The following AUTS2 variants were observed in gnomAD, a reference collection of about 807,000 sequenced individuals.
AUTS2 encodes activator of transcription and developmental regulator AUTS2.
A neutral mutation model predicts 112.4 loss-of-function variants in AUTS2; 17 were observed. That is an observed-to-expected ratio of 0.15 (90% confidence interval 0.10 to 0.23). The LOEUF (loss-of-function observed/expected upper bound fraction) is 0.23, where lower values mean the gene tolerates loss of function less well. Ranked by LOEUF, AUTS2 falls within the 10% of genes least tolerant of loss-of-function variation. The probability of loss-of-function intolerance (pLI) is 1.00; values close to 1 mark genes in which losing one functional copy is unlikely to be tolerated. For missense variants in AUTS2, 1,510 were observed against 1,701.6 expected (o/e 0.89, Z 1.98); for synonymous variants, 751 against 702.7 (o/e 1.07, Z -1.09).
At chr7:70,537,463 T>C (rs1800369211) in intron 5 of AUTS2, among the ~76,000 whole-genome samples, 1 of 152,194 alleles carries the variant, frequency 6.6e-6, no homozygotes, top group African/African-American at 2.4e-5. Context: ...CTTTCCTGAG[T>C]TGATTTATGT....
chr7:70,379,337 T>A (rs1280051314), intron 4 of AUTS2, among the ~76,000 whole-genome samples: 1 of 151,800 alleles, frequency 6.6e-6, no homozygotes, highest in Non-Finnish European at 1.5e-5. Context: ...CCCTTCTCTA[T>A]TAAAAGACAC....
chr7:70,444,644 C>T (rs894636124), intron 5 of AUTS2, among the ~76,000 whole-genome samples: 3 of 151,902 alleles, frequency 2.0e-5, no homozygotes, highest in Non-Finnish European at 4.4e-5. Flanking sequence ...AGAGATTTTC[C>T]CTATCAGTTT....
At chr7:70,489,639 ACAT>A (rs1401820837) in intron 5 of AUTS2, among the ~76,000 whole-genome samples, 1 of 152,232 alleles carries the variant, frequency 6.6e-6, no homozygotes, top group Admixed American at 6.5e-5. Context: ...GCACAGGAGG[ACAT>A]CATCAACACA....
chr7:70,668,019 A>G (rs1807435435), intron 5 of AUTS2, among the ~76,000 whole-genome samples: 2 of 152,328 alleles, frequency 1.3e-5, no homozygotes, highest in South Asian at 4.1e-4. Flanking sequence ...TTTTTCACCT[A>G]GGCTGGATGG....
At chr7:70,447,776 C>G (rs1348258928) in intron 5 of AUTS2, among the ~76,000 whole-genome samples, 2 of 152,194 alleles carry the variant, frequency 1.3e-5, no homozygotes, top group Non-Finnish European at 1.5e-5. Flanking sequence ...TAACATCCAA[C>G]AAAATATCAC....
chr7:70,239,674 A>T (rs1234033424), intron 4 of AUTS2, among the ~76,000 whole-genome samples: 1 of 152,118 alleles, frequency 6.6e-6, no homozygotes, highest in Non-Finnish European at 1.5e-5. Flanking sequence ...ACCTCAGGTG[A>T]TCTGCCCACC....
At chr7:70,755,175 G>A (rs1789116007) in intron 6 of AUTS2, among the ~76,000 whole-genome samples, 1 of 152,136 alleles carries the variant, frequency 6.6e-6, no homozygotes, top group Admixed American at 6.5e-5. Context: ...TCAGGAGACT[G>A]AGTGGGGAGG....
intron 5 of AUTS2, among the ~76,000 whole-genome samples, chr7:70,498,446 G>T (rs1798645381): frequency 6.6e-6 from 1 of 152,106 alleles, no homozygotes; most frequent in Non-Finnish European, 1.5e-5. Flanking sequence ...TTGGGTCTTG[G>T]GGTGGTGACT....
intron 2 of AUTS2, among the ~76,000 whole-genome samples, chr7:70,080,955 C>T (rs914638028): frequency 4.6e-5 from 7 of 152,116 alleles, no homozygotes; most frequent in Non-Finnish European, 8.8e-5. Context: ...CTTTGGAACC[C>T]AACACATTGA....
At chr7:70,705,024 A>G (rs1809661684) in intron 6 of AUTS2, among the ~76,000 whole-genome samples, 2 of 152,268 alleles carry the variant, frequency 1.3e-5, no homozygotes, top group Non-Finnish European at 2.9e-5. Flanking sequence ...TAGCTAAGCA[A>G]TTAGTATGAG....
chr7:69,701,511 T>G lies in AUTS2; in HGVS notation c.309+101549T>G, dbSNP rs532858798. On this transcript the variant is annotated intron_variant, in intron 1 of 18. Coordinates refer to ENST00000342771, the MANE Select transcript of AUTS2 (RefSeq NM_015570.4). ...CCTATAAACGCAAGGCTGGTTGTCG[T>G]CATTGCCATCCCCAGTATACTTTGA... Among the ~76,000 whole-genome samples the G allele has an allele frequency of 1.4e-3, 220 of 152,228 alleles. 1 individual carries two copies. Among genetic ancestry groups the G allele is most frequent in the Middle Eastern group, 3.4e-3 (1 of 294 alleles).
At chr7:70,173,339 C>A (rs1159205511) in intron 4 of AUTS2, among the ~76,000 whole-genome samples, 1 of 144,084 alleles carries the variant, frequency 6.9e-6, no homozygotes, top group East Asian at 2.0e-4. Context: ...CCAGCCTGGG[C>A]AACAGAGCGG....
chr7:70,485,673 C>T (rs569571780), intron 5 of AUTS2, among the ~76,000 whole-genome samples: 19 of 151,814 alleles, frequency 1.3e-4, no homozygotes, highest in African/African-American at 3.9e-4. Flanking sequence ...TCTGGTTTCA[C>T]GAGACTCATA....
chr7:70,373,351 G>T (rs1433541661), intron 4 of AUTS2, among the ~76,000 whole-genome samples: 3 of 152,016 alleles, frequency 2.0e-5, no homozygotes, highest in Non-Finnish European at 4.4e-5. Flanking sequence ...AATTGAATTG[G>T]GTTTATGACT....
intron 5 of AUTS2, among the ~76,000 whole-genome samples, chr7:70,550,010 G>A (rs915566280): frequency 2.0e-5 from 3 of 152,218 alleles, no homozygotes; most frequent in African/African-American, 7.2e-5. Context: ...TGTTAGAGAA[G>A]AGACGAAGTA....
intron 1 of AUTS2, among the ~76,000 whole-genome samples, chr7:69,876,360 A>G (rs1206185436): frequency 9.5e-6 from 1 of 105,218 alleles, no homozygotes; most frequent in East Asian, 2.7e-4. Flanking sequence ...ATATATATAT[A>G]TATATATATA....
intron 3 of AUTS2, chr7:70,119,952 G>C (rs2129572987): frequency 6.6e-6 from 1 of 152,136 alleles, no homozygotes; most frequent in South Asian, 2.1e-4. Context: ...CTTAAAAAAA[G>C]AAATTAAACT....
intron 5 of AUTS2, among the ~76,000 whole-genome samples, chr7:70,577,287 C>G (rs6957405): frequency 0.89 from 135,557 of 152,212 alleles, 60,426 homozygotes; most frequent in East Asian, 1. Flanking sequence ...GAGCCAGCTT[C>G]CTGGCCCATC....
intron 14 of AUTS2, among the ~76,000 whole-genome samples, chr7:70,779,010 T>TA (rs1790888287): frequency 6.6e-6 from 1 of 152,226 alleles, no homozygotes; most frequent in Non-Finnish European, 1.5e-5. Context: ...GAACATGAGA[T>TA]AACTTCGTTC....
Sources: gnomAD v4.1 joint callset for allele counts (sites outside exome capture counted in the v4.1 genomes callset) on GRCh38, gnomAD v4.1.1 for gene constraint, MANE v1.5 for transcripts, NCBI Gene and HGNC (gene_info 2026-07-23, HGNC 2026-07-21) for gene names.